Variants in FAM169A observed in about 807,000 individuals in gnomAD.
FAM169A encodes the protein soluble lamin-associated protein of 75 kDa.
FAM169A carries 24 observed loss-of-function variants against 75.7 expected under a neutral mutation model. That is an observed-to-expected ratio of 0.32 (90% CI 0.23 to 0.45). FAM169A has a LOEUF of 0.45. FAM169A is among the 20% of genes least tolerant of loss of function. FAM169A has a pLI of 1.00. For synonymous variants in FAM169A, 271 were observed against 271.0 expected (o/e 1.00, Z 0.00); for missense variants, 673 against 784.0 (o/e 0.86, Z 1.69).
At chr5:74,847,096 G>T (rs1037639987) in intron 1 of FAM169A, among the ~76,000 whole-genome samples, 1 of 151,990 alleles carries the variant, frequency 6.6e-6, no homozygotes, top group African/African-American at 2.4e-5. Flanking sequence ...AAACCAAAAC[G>T]CATTCTTCTC....
chr5:74,862,303 T>G (rs918360805), intron 1 of FAM169A, among the ~76,000 whole-genome samples: 2 of 152,198 alleles, frequency 1.3e-5, no homozygotes, highest in African/African-American at 4.8e-5. Flanking sequence ...CCATTCACAA[T>G]CAGGCCCCAA....
intron 1 of FAM169A, among the ~76,000 whole-genome samples, chr5:74,863,143 A>C (rs189664442): frequency 3.9e-5 from 6 of 152,194 alleles, no homozygotes; most frequent in Non-Finnish European, 7.3e-5. Context: ...ACGTTAAGGT[A>C]TCATATACCA....
In FAM169A at chr5:74,841,591, C is replaced by A; in HGVS notation, c.86G>T (p.Cys29Phe). The A allele has an allele frequency of 1.9e-6, 3 of 1,613,256 alleles. No homozygotes were observed. The highest frequency in any genetic ancestry group is 2.5e-6 in the Non-Finnish European group (3 of 1,179,444). Residue 29 changes from cysteine to phenylalanine, a missense_variant, in exon 2 of 13, where the codon TGT becomes TTT. Transcript: ENST00000687041. ...SAEDYMSDLRCGDPENPECFS... is the reference protein window; with the variant it reads ...SAEDYMSDLRFGDPENPECFS... ...ACACTCTGGATTTTCAGGGTCCCCACACCTTAAATCTGACATGTAATCTTC... is the reference window on the plus strand; with the variant it reads ...ACACTCTGGATTTTCAGGGTCCCCAAACCTTAAATCTGACATGTAATCTTC...
Position 74,856,923 on chromosome 5 carries a change from C to G in FAM169A, c.-4+9242G>C, listed in dbSNP as rs185879180. Among the ~76,000 whole-genome samples, 337 of 150,780 alleles carry G rather than the reference C, an allele frequency of 2.2e-3. 1 individual carries two copies. Among genetic ancestry groups the G allele is most frequent in the African/African-American group, 7.9e-3 (323 of 41,086 alleles). ...AGGAGATCGAGACCATCCTGACTAA[C>G]ACGGTGAAACCCCATCTCTACTAAA... On this transcript the variant is annotated intron_variant, in intron 1 of 12. Coordinates refer to ENST00000687041, the MANE Select transcript of FAM169A (RefSeq NM_001376049.1).
At chr5:74,824,671 A>C (rs1747927389) in intron 5 of FAM169A, among the ~76,000 whole-genome samples, 4 of 149,982 alleles carry the variant, frequency 2.7e-5, no homozygotes, top group Middle Eastern at 6.8e-3. Flanking sequence ...AGAAAAAAAA[A>C]AAGCAGCTCT....
chr5:74,791,264 A>G lies in FAM169A; in HGVS notation c.1260+4766T>C, dbSNP rs1018719543. Among the ~76,000 whole-genome samples, 6 of 152,344 alleles carry G rather than the reference A, an allele frequency of 3.9e-5. No homozygotes were observed. The East Asian group carries it at 1.2e-3, about 29-fold the overall frequency. ...CTGGGTATGCTCTGAATAAGCATCCAGTATATGGTACTGTTTCTCCCATAG... is the reference window on the plus strand; with the variant it reads ...CTGGGTATGCTCTGAATAAGCATCCGGTATATGGTACTGTTTCTCCCATAG... On this transcript the variant is annotated intron_variant, in intron 11 of 12. Transcript: ENST00000687041.
intron 1 of FAM169A, among the ~76,000 whole-genome samples, chr5:74,863,671 A>G (rs1346448908): frequency 6.6e-6 from 1 of 152,196 alleles, no homozygotes; most frequent in East Asian, 1.9e-4. Flanking sequence ...AGAGAAAAAT[A>G]TTCGATTTTT....
At chr5:74,841,486 T>G (rs1305151470) in intron 2 of FAM169A, 59 bp downstream of exon 2, 1 of 1,303,124 alleles carries the variant, frequency 7.7e-7, no homozygotes, top group Non-Finnish European at 1.0e-6. Context: ...AAAAGGATAT[T>G]TATTTCATGT....
chr5:74,854,827 T>C (rs957521507), intron 1 of FAM169A, among the ~76,000 whole-genome samples: 7 of 152,234 alleles, frequency 4.6e-5, no homozygotes, highest in Non-Finnish European at 7.3e-5. Flanking sequence ...ATTGTGCATA[T>C]GTACCATATT....
chr5:74,816,288 G>A (rs1747465799), intron 5 of FAM169A, among the ~76,000 whole-genome samples: 2 of 152,300 alleles, frequency 1.3e-5, no homozygotes, highest in East Asian at 1.9e-4. Context: ...TACAAAGTCT[G>A]AGGATCTATG....
chr5:74,786,710 A>C (rs1186579493), intron 11 of FAM169A, among the ~76,000 whole-genome samples: 1 of 152,226 alleles, frequency 6.6e-6, no homozygotes, highest in Non-Finnish European at 1.5e-5. Flanking sequence ...AAAAGCCCCA[A>C]GTGAGAGTCT....
At position 74,778,050 on chromosome 5, in the gene FAM169A, T is replaced by C. The variant is rs1354681951; in HGVS notation, c.*3410A>G. The C allele has an allele frequency of 1.3e-5, 2 of 151,844 alleles. No homozygotes were observed. Among genetic ancestry groups the C allele is most frequent in the African/African-American group, 2.4e-5 (1 of 41,358 alleles). The allele number at this position is 151,844 out of a possible 1,614,324, so 9.4% of individuals were successfully genotyped here. On this transcript the variant is annotated 3_prime_UTR_variant, in exon 13 of 13. Coordinates refer to ENST00000687041, the MANE Select transcript of FAM169A (RefSeq NM_001376049.1). Reference sequence around the variant, plus strand: ...AAATGGGTGATGTGTGGATCACAAGTTCTAGAAGGCGAATAAAAATACTGA... The same window carrying C: ...AAATGGGTGATGTGTGGATCACAAGCTCTAGAAGGCGAATAAAAATACTGA...
At chr5:74,866,459 C>G (rs1379907232), upstream of FAM169A, 1 of 854,198 alleles carries the variant, frequency 1.2e-6, no homozygotes, top group African/African-American at 1.8e-5. Flanking sequence ...CGCCCGCCAG[C>G]GCGGAGCGGC....
chr5:74,814,008 C>T lies in FAM169A; in HGVS notation c.502G>A (p.Ala168Thr). The stretch of plus-strand genomic sequence containing the variant: ...TGGTAACTTTGGGTAAGAAAAGAGG[C>T]ACATATGCTTCCTGCAGTAATAAGA... ...YSVKPTGSICASFLTQSYQLP... is the reference protein window; with the variant it reads ...YSVKPTGSICTSFLTQSYQLP... The change falls in exon 6 of 13, where the codon GCC becomes ACC. Residue 168 changes from alanine (A) to threonine (T), a missense_variant. Around this residue, in one of 3 missense-constraint regions of FAM169A, gnomAD observed 107 missense variants for 180.8 expected, o/e 0.59. Transcript: ENST00000687041. The T allele has an allele frequency of 6.4e-7, 1 of 1,571,224 alleles. No homozygotes were observed. The highest frequency in any genetic ancestry group is 8.6e-7 in the Non-Finnish European group (1 of 1,164,362).
At chr5:74,848,660 T>C (rs1749282836) in intron 1 of FAM169A, 1 of 152,120 alleles carries the variant, frequency 6.6e-6, no homozygotes, top group Non-Finnish European at 1.5e-5. Context: ...CTCTCATTGG[T>C]AACGTGATGC....
chr5:74,789,788 G>A (rs949437635), intron 11 of FAM169A, among the ~76,000 whole-genome samples: 7 of 152,170 alleles, frequency 4.6e-5, no homozygotes, highest in Non-Finnish European at 8.8e-5. Context: ...CCTTTGGCAG[G>A]CTCCCATAGG....
intron 5 of FAM169A, among the ~76,000 whole-genome samples, chr5:74,830,187 A>T (rs1419904739): frequency 6.6e-6 from 1 of 152,190 alleles, no homozygotes; most frequent in African/African-American, 2.4e-5. Context: ...ACATAAAAAG[A>T]GAGGAAAGAG....
intron 11 of FAM169A, among the ~76,000 whole-genome samples, chr5:74,793,862 G>T (rs1236256872): frequency 2.0e-5 from 3 of 151,734 alleles, no homozygotes; most frequent in South Asian, 2.1e-4. Flanking sequence ...AATTAGCAGG[G>T]CATGGTGGCA....
chr5:74,783,604 C>T (rs1464698663), intron 11 of FAM169A, among the ~76,000 whole-genome samples: 1 of 152,116 alleles, frequency 6.6e-6, no homozygotes, highest in African/African-American at 2.4e-5. Context: ...GGAAGCACTA[C>T]CAGTCTTATG....
Sources: gnomAD v4.1 joint callset for allele counts (sites outside exome capture counted in the v4.1 genomes callset) on GRCh38, gnomAD v4.1.1 for gene constraint, gnomAD v4.1.1 regional missense constraint, MANE v1.5 for transcripts, NCBI Gene and HGNC (gene_info 2026-07-23, HGNC 2026-07-21) for gene names.